The following CNTNAP2 variants were observed in gnomAD, a reference collection of about 807,000 sequenced individuals.
CNTNAP2 encodes the protein contactin associated protein 2, also known as contactin-associated protein-like 2.
A neutral mutation model predicts 155.2 loss-of-function variants in CNTNAP2; 98 were observed. The observed-to-expected ratio is 0.63, with a 90% CI of 0.54 to 0.75. The LOEUF (loss-of-function observed/expected upper bound fraction) is 0.75, where lower values mean the gene tolerates loss of function less well. Ranked by LOEUF, CNTNAP2 falls within the 30% of genes least tolerant of loss-of-function variation. The pLI, the probability that CNTNAP2 is intolerant of heterozygous loss-of-function variation, is 0.00. For synonymous variants in CNTNAP2, 651 were observed against 631.2 expected (o/e 1.03, Z -0.47); for missense variants, 1,727 against 1,688.1 (o/e 1.02, Z -0.40).
chr7:148,116,329 A>G (rs1804470536), intron 15 of CNTNAP2, among the ~76,000 whole-genome samples: 1 of 152,196 alleles, frequency 6.6e-6, no homozygotes, highest in Non-Finnish European at 1.5e-5. Context: ...CTAGGGAAGC[A>G]AGCCAAATCC....
intron 8 of CNTNAP2, among the ~76,000 whole-genome samples, chr7:147,254,185 G>A (rs1204520091): frequency 1.3e-5 from 2 of 152,150 alleles, no homozygotes; most frequent in African/African-American, 4.8e-5. Flanking sequence ...TGTTCTCATG[G>A]AGTCAGTGAA....
chr7:147,354,246 G>C (rs541320040), intron 9 of CNTNAP2, among the ~76,000 whole-genome samples: 44 of 151,966 alleles, frequency 2.9e-4, no homozygotes, highest in Middle Eastern at 6.8e-3. Flanking sequence ...CTAGGTTTTC[G>C]TCTAGGGTTT....
intron 13 of CNTNAP2, among the ~76,000 whole-genome samples, chr7:147,728,155 T>C (rs933512775): frequency 2.0e-5 from 2 of 99,472 alleles, no homozygotes; most frequent in African/African-American, 7.8e-5. Context: ...TACTACTTTA[T>C]ATATGTATAC....
chr7:148,067,747 G>A (rs1448488567), intron 15 of CNTNAP2, among the ~76,000 whole-genome samples: 2 of 152,220 alleles, frequency 1.3e-5, no homozygotes, highest in East Asian at 3.8e-4. Context: ...AGCTGCCAGG[G>A]CAGGTAGGGA....
intron 1 of CNTNAP2, among the ~76,000 whole-genome samples, chr7:146,301,722 A>G (rs988338751): frequency 3.3e-5 from 5 of 152,146 alleles, no homozygotes; most frequent in Admixed American, 3.3e-4. Flanking sequence ...TGCATGAATG[A>G]TCTCCAAATA....
chr7:147,434,636 T>A (rs11981610), intron 10 of CNTNAP2, among the ~76,000 whole-genome samples: 2,084 of 152,344 alleles, frequency 0.014, 45 homozygotes, highest in African/African-American at 0.048. Context: ...TTTGCCTATG[T>A]TGATGAGATG....
intron 9 of CNTNAP2, among the ~76,000 whole-genome samples, chr7:147,326,003 A>G (rs1338845185): frequency 2.0e-5 from 3 of 152,220 alleles, no homozygotes; most frequent in Middle Eastern, 3.4e-3. Context: ...GCTCACTGCA[A>G]GCTCCACCTC....
intron 9 of CNTNAP2, among the ~76,000 whole-genome samples, chr7:147,389,977 A>C (rs1796682397): frequency 6.6e-6 from 1 of 152,192 alleles, no homozygotes; most frequent in African/African-American, 2.4e-5. Flanking sequence ...TTACCAAAAA[A>C]TCCCACTGTT....
chr7:148,402,201 T>C (rs1207618013), intron 22 of CNTNAP2, among the ~76,000 whole-genome samples: 1 of 152,242 alleles, frequency 6.6e-6, no homozygotes, highest in Non-Finnish European at 1.5e-5. Flanking sequence ...TGAAAGCAGC[T>C]GCCACTTTCT....
intron 20 of CNTNAP2, among the ~76,000 whole-genome samples, chr7:148,260,006 C>T (rs57152667): frequency 2.3e-4 from 35 of 152,248 alleles, no homozygotes; most frequent in Non-Finnish European, 3.8e-4. Context: ...AAATACATTT[C>T]TACAAAAGAG....
chr7:146,872,510 G>A (rs1795333775), intron 3 of CNTNAP2, among the ~76,000 whole-genome samples: 1 of 152,090 alleles, frequency 6.6e-6, no homozygotes, highest in African/African-American at 2.4e-5. Flanking sequence ...CAAAGACATT[G>A]TCAGTTATTG....
intron 4 of CNTNAP2, 52 bp from the exon 5 acceptor site, chr7:147,108,095 G>A: frequency 6.6e-7 from 1 of 1,514,616 alleles, no homozygotes; most frequent in Non-Finnish European, 9.1e-7. Flanking sequence ...TGTTGGAAGT[G>A]GATGGTAACA....
intron 1 of CNTNAP2, among the ~76,000 whole-genome samples, chr7:146,611,676 C>G (rs1250340593): frequency 6.6e-6 from 1 of 152,154 alleles, no homozygotes; most frequent in Admixed American, 6.5e-5. Flanking sequence ...ATTTTGTTCT[C>G]TGTCTCTTCA....
chr7:146,461,413 A>ATATAT (rs1796634624), intron 1 of CNTNAP2, among the ~76,000 whole-genome samples: 1 of 148,932 alleles, frequency 6.7e-6, no homozygotes, highest in African/African-American at 2.6e-5. Flanking sequence ...TCAAAAAAAA[A>ATATAT]AAATATAATA....
At chr7:146,934,358 G>A (rs916367974) in intron 3 of CNTNAP2, among the ~76,000 whole-genome samples, 1 of 146,434 alleles carries the variant, frequency 6.8e-6, no homozygotes, top group African/African-American at 2.5e-5. Context: ...ACCAAACACC[G>A]CATATTCTCA....
At position 147,421,585 on chromosome 7, in the gene CNTNAP2, C is replaced by CTGTGTATGTGTGTGTGTG. The variant is rs1554482508; in HGVS notation, c.1670+25810_1670+25811insATGTGTGTGTGTGTGTGT. ...ATATGTCCTGGTATGTCTATCTAAT[C>CTGTGTATGTGTGTGTGTG]TGTGTGTGTGTGTGTGTGTGTGTGT... On this transcript the variant is annotated intron_variant, in intron 10 of 23. Coordinates refer to ENST00000361727, the MANE Select transcript of CNTNAP2 (RefSeq NM_014141.6). 2.8e-5 allele frequency among the ~76,000 whole-genome samples: 4 copies of CTGTGTATGTGTGTGTGTG among 143,602 alleles called. No individual in the cohort carries two copies. The East Asian group carries it at 8.3e-4, about 30-fold the overall frequency. 94.2% of individuals were successfully genotyped at this position (143,602 alleles called of 152,430 possible). A position where few individuals can be genotyped will look rare whatever the true frequency, so the allele number is the denominator to read the frequency against.
intron 15 of CNTNAP2, among the ~76,000 whole-genome samples, chr7:148,059,733 A>G (rs1009559806): frequency 2.0e-5 from 3 of 149,112 alleles, no homozygotes; most frequent in Non-Finnish European, 3.0e-5. Context: ...TAAAATATGC[A>G]TATTTATACT....
intron 10 of CNTNAP2, among the ~76,000 whole-genome samples, chr7:147,462,361 T>A (rs1563213521): frequency 1.3e-5 from 2 of 152,206 alleles, no homozygotes; most frequent in African/African-American, 4.8e-5. Flanking sequence ...CCTTTTCATT[T>A]ATAAACAAGA....
chr7:147,220,463 A>C (rs559419722), intron 8 of CNTNAP2, among the ~76,000 whole-genome samples: 27 of 152,188 alleles, frequency 1.8e-4, no homozygotes, highest in Non-Finnish European at 2.8e-4. Flanking sequence ...GCATTTAGAC[A>C]ATTGATGTTC....
Sources: allele counts gnomAD v4.1 joint callset (sites outside exome capture counted in the v4.1 genomes callset), GRCh38; gene constraint gnomAD v4.1.1; transcripts MANE v1.5; gene names NCBI Gene and HGNC (gene_info 2026-07-23, HGNC 2026-07-21).